GRM7: variants seen among roughly 807,000 people sequenced by gnomAD.
GRM7 encodes the protein metabotropic glutamate receptor 7.
GRM7 carries 35 observed loss-of-function variants against 84.5 expected under a neutral mutation model. The observed-to-expected ratio is 0.41, with a 90% CI of 0.32 to 0.55. GRM7 has a LOEUF of 0.55. GRM7 is among the 20% of genes least tolerant of loss of function. The probability of loss-of-function intolerance (pLI) is 0.19; values close to 1 mark genes in which losing one functional copy is unlikely to be tolerated. For synonymous variants in GRM7, 487 were observed against 455.1 expected (o/e 1.07, Z -0.89); for missense variants, 1,003 against 1,194.6 (o/e 0.84, Z 2.36).
intron 1 of GRM7, among the ~76,000 whole-genome samples, chr3:7,070,527 T>C (rs1697832803): frequency 6.6e-6 from 1 of 152,156 alleles, no homozygotes; most frequent in South Asian, 2.1e-4. Context: ...TATTCTAATG[T>C]GAGTGCATTA....
At position 7,255,401 on chromosome 3, in the gene GRM7, G is replaced by A. The variant is rs867247388; in HGVS notation, c.737-43283G>A. On this transcript the variant is annotated intron_variant, in intron 2 of 9. Transcript: ENST00000357716. ...AGCTTTTAAAGTAAATGGCCTCCCC[G>A]CTTCCTTTTCAGTTTTTGGATCCTT... 2.2e-4 allele frequency among the ~76,000 whole-genome samples: 34 copies of A among 152,254 alleles called. 1 individual carries two copies. The highest frequency in any genetic ancestry group is 3.4e-3 in the Middle Eastern group (1 of 294).
At chr3:7,191,813 A>G (rs1321028864) in intron 2 of GRM7, among the ~76,000 whole-genome samples, 1 of 151,966 alleles carries the variant, frequency 6.6e-6, no homozygotes, top group Non-Finnish European at 1.5e-5. Context: ...TAGTGATTCT[A>G]CAAATCTTTA....
chr3:7,489,253 T>A (rs1450102), intron 7 of GRM7, among the ~76,000 whole-genome samples: 13,693 of 152,184 alleles, frequency 0.09, 778 homozygotes, highest in South Asian at 0.12. Flanking sequence ...TTTTAAAAAT[T>A]TTTTTATGAA....
chr3:7,063,236 C>A lies in GRM7; in HGVS notation c.520-83216C>A, dbSNP rs541342470. On this transcript the variant is annotated intron_variant, in intron 1 of 9. Transcript: ENST00000357716. The stretch of plus-strand genomic sequence containing the variant: ...GGATACCACATCGCCAATCCAAAGA[C>A]AATCAAGACACAAGTAAGGCTTGGT... Among the ~76,000 whole-genome samples, 25 of 151,896 alleles carry A rather than the reference C, an allele frequency of 1.6e-4. 1 individual carries two copies. In the East Asian group the frequency reaches 4.9e-3, roughly 30 times the overall value.
At chr3:6,873,184 G>A (rs1216730410) in intron 1 of GRM7, among the ~76,000 whole-genome samples, 10 of 152,056 alleles carry the variant, frequency 6.6e-5, no homozygotes, top group East Asian at 1.9e-4. Flanking sequence ...CGATTCTCCC[G>A]CCTCAGTCTC....
intron 5 of GRM7, among the ~76,000 whole-genome samples, chr3:7,449,466 A>C (rs1697673427): frequency 6.6e-6 from 1 of 152,184 alleles, no homozygotes; most frequent in South Asian, 2.1e-4. Context: ...TTCTGAAGAT[A>C]ATGGTTAATA....
intron 3 of GRM7, 77 bp from the exon 4 acceptor site, chr3:7,306,421 T>C: frequency 7.8e-7 from 1 of 1,287,830 alleles, no homozygotes; most frequent in Non-Finnish European, 1.1e-6. Flanking sequence ...TACCTTTCCT[T>C]TTGCTGACTT....
At chr3:6,884,889 C>T (rs560797780) in intron 1 of GRM7, among the ~76,000 whole-genome samples, 2 of 152,242 alleles carry the variant, frequency 1.3e-5, no homozygotes, top group African/African-American at 4.8e-5. Context: ...TGAGCCACCG[C>T]GCCCGGCCAG....
intron 2 of GRM7, among the ~76,000 whole-genome samples, chr3:7,221,750 C>T: frequency 6.9e-6 from 1 of 144,880 alleles, no homozygotes; most frequent in South Asian, 2.2e-4. Flanking sequence ...GTTTTAGTTT[C>T]TCTTTTGTCT....
chr3:6,996,296 C>A (rs1694828476), intron 1 of GRM7, among the ~76,000 whole-genome samples: 1 of 152,186 alleles, frequency 6.6e-6, no homozygotes, highest in Non-Finnish European at 1.5e-5. Context: ...GATCCACCTG[C>A]TTCGGTCTCC....
intron 1 of GRM7, among the ~76,000 whole-genome samples, chr3:6,900,152 G>A (rs1283461529): frequency 6.6e-6 from 1 of 152,176 alleles, no homozygotes; most frequent in African/African-American, 2.4e-5. Context: ...TGGGAACAAT[G>A]TGTCCTCAAA....
intron 1 of GRM7, among the ~76,000 whole-genome samples, chr3:6,993,483 T>G (rs1694720944): frequency 6.6e-6 from 1 of 152,152 alleles, no homozygotes; most frequent in South Asian, 2.1e-4. Context: ...CTCAAATACA[T>G]GGTGTGCGTC....
intron 6 of GRM7, among the ~76,000 whole-genome samples, chr3:7,456,897 G>T (rs185517538): frequency 6.6e-6 from 1 of 151,954 alleles, no homozygotes; most frequent in Non-Finnish European, 1.5e-5. Flanking sequence ...GTCACTTTAC[G>T]GGAGCAAAGC....
chr3:7,506,833 T>C (rs545651321), intron 7 of GRM7, among the ~76,000 whole-genome samples: 1 of 152,266 alleles, frequency 6.6e-6, no homozygotes, highest in Admixed American at 6.5e-5. Flanking sequence ...AATCTACTCA[T>C]GAGGGCAGAG....
chr3:7,120,722 T>C (rs1286453853), intron 1 of GRM7, among the ~76,000 whole-genome samples: 2 of 152,194 alleles, frequency 1.3e-5, no homozygotes, highest in East Asian at 3.8e-4. Context: ...CTTAAATTAC[T>C]TGGATAGAAA....
chr3:7,675,020 C>T (rs985420375), intron 8 of GRM7, among the ~76,000 whole-genome samples: 1 of 152,066 alleles, frequency 6.6e-6, no homozygotes, highest in African/African-American at 2.4e-5. Context: ...TGGTTTGACA[C>T]CACGAAATAG....
chr3:7,359,218 GTT>G (rs1458673112), intron 4 of GRM7, among the ~76,000 whole-genome samples: 5 of 109,510 alleles, frequency 4.6e-5, no homozygotes, highest in East Asian at 5.2e-4. Flanking sequence ...GGGTGTTTGT[GTT>G]TGTGTGTGTG....
intron 7 of GRM7, among the ~76,000 whole-genome samples, chr3:7,482,256 C>A (rs569181365): frequency 6.6e-6 from 1 of 152,104 alleles, no homozygotes; most frequent in Admixed American, 6.6e-5. Flanking sequence ...AAGTCAAATC[C>A]TATAAACCCT....
intron 4 of GRM7, among the ~76,000 whole-genome samples, chr3:7,344,170 G>A (rs1692782398): frequency 6.6e-6 from 1 of 151,980 alleles, no homozygotes; most frequent in East Asian, 1.9e-4. Flanking sequence ...GGGTTTTGTT[G>A]TATAGATTAT....
Sources: allele counts gnomAD v4.1 joint callset (sites outside exome capture counted in the v4.1 genomes callset), GRCh38; gene constraint gnomAD v4.1.1; transcripts MANE v1.5; gene names NCBI Gene and HGNC (gene_info 2026-07-23, HGNC 2026-07-21).